Variants in ITGB6 observed in about 807,000 individuals in gnomAD.
ITGB6 encodes integrin beta-6.
ITGB6 carries 80 observed loss-of-function variants against 84.5 expected under a neutral mutation model. The observed-to-expected ratio is 0.95, with a 90% CI of 0.79 to 1.14. The LOEUF (loss-of-function observed/expected upper bound fraction) is 1.14, where lower values mean the gene tolerates loss of function less well. Among genes scored for constraint, ITGB6 ranks in the 50% most tolerant of loss-of-function variants. The pLI is 0.00. For missense variants in ITGB6, 1,006 were observed against 968.0 expected, an observed-to-expected ratio of 1.04 and a Z score of -0.52; for synonymous variants, 383 against 354.9, an observed-to-expected ratio of 1.08 and a Z score of -0.89.
At chr2:160,111,882 T>C (rs548189296) in intron 13 of ITGB6, among the ~76,000 whole-genome samples, 198 bp downstream of exon 13, 1 of 152,182 alleles carries the variant, frequency 6.6e-6, no homozygotes, top group East Asian at 1.9e-4. Context: ...GCCCGACCCT[T>C]ATCTGGTCTT....
chr2:160,162,048 A>T (rs939629205), intron 7 of ITGB6, among the ~76,000 whole-genome samples: 2 of 152,230 alleles, frequency 1.3e-5, no homozygotes, highest in Non-Finnish European at 2.9e-5. Flanking sequence ...CTATAGCTAT[A>T]CGTATCTCCA....
chr2:160,143,742 T>C (rs1684087870), intron 7 of ITGB6, among the ~76,000 whole-genome samples: 4 of 152,194 alleles, frequency 2.6e-5, no homozygotes, highest in Admixed American at 2.6e-4. Flanking sequence ...CACAAAACTA[T>C]ATTAGAATGG....
rs1340840158 is a variant in ITGB6 at position 160,138,079 on chromosome 2, T to C, written c.1228A>G (p.Lys410Glu). The change falls in exon 9 of 15, where the codon AAA (lysine) becomes GAA (glutamate). Residue 410 changes from lysine (K) to glutamate (E), a missense_variant. Transcript: ENST00000283249. The stretch of plus-strand genomic sequence containing the variant: ...CAGCTACTTACTGTGTCTCCCACTT[T>C]CATGTGAGAGCATTTCTTTTGGTGT... ...FQHQKKCSHM[K>E]VGDTASFSVT... 6.2e-7 allele frequency: 1 copy of C among 1,612,772 alleles called. No homozygotes were observed. Among genetic ancestry groups the C allele is most frequent in the Non-Finnish European group, 8.5e-7 (1 of 1,179,596 alleles).
intron 7 of ITGB6, among the ~76,000 whole-genome samples, chr2:160,163,504 C>T (rs1045457656): frequency 4.6e-5 from 7 of 152,050 alleles, no homozygotes; most frequent in African/African-American, 1.4e-4. Context: ...TGGTGGCACA[C>T]GCCTGTAATC....
chr2:160,123,650 T>TA (rs1390762220), intron 12 of ITGB6, 141 bp downstream of exon 12: 86 of 620,026 alleles, frequency 1.4e-4, no homozygotes, highest in Admixed American at 8.7e-5. Flanking sequence ...CATTTACTCT[T>TA]AAAAAATGAA....
At chr2:160,137,993 G>A (rs1423622283) in intron 9 of ITGB6, 72 bp downstream of exon 9, 4 of 1,535,454 alleles carry the variant, frequency 2.6e-6, no homozygotes, top group South Asian at 1.3e-5. Flanking sequence ...AAGAAATCCA[G>A]CTTCAGTGAG....
intron 7 of ITGB6, among the ~76,000 whole-genome samples, chr2:160,147,927 A>G (rs1684262342): frequency 6.6e-6 from 1 of 152,250 alleles, no homozygotes; most frequent in African/African-American, 2.4e-5. Context: ...CTTTTTAGAT[A>G]TAACACCAAA....
intron 12 of ITGB6, among the ~76,000 whole-genome samples, chr2:160,118,839 A>G (rs1172767545): frequency 2.6e-5 from 4 of 152,194 alleles, no homozygotes; most frequent in Non-Finnish European, 5.9e-5. Flanking sequence ...AAATCAATGT[A>G]CAAAAATCAC....
intron 13 of ITGB6, among the ~76,000 whole-genome samples, chr2:160,110,934 G>C (rs1449230589): frequency 6.6e-6 from 1 of 152,172 alleles, no homozygotes; most frequent in Non-Finnish European, 1.5e-5. Context: ...CTCTTGTTAA[G>C]CCTCCGGGAG....
intron 7 of ITGB6, among the ~76,000 whole-genome samples, chr2:160,143,409 T>C (rs556554457): frequency 1.3e-5 from 2 of 152,354 alleles, no homozygotes; most frequent in East Asian, 3.9e-4. Flanking sequence ...GCTTCTTATA[T>C]GTGTTTTTAA....
chr2:160,126,296 G>C, intron 11 of ITGB6, 83 bp downstream of exon 11: 6 of 1,266,348 alleles, frequency 4.7e-6, no homozygotes, highest in Non-Finnish European at 6.8e-6. Context: ...TACAATCTGA[G>C]GTCTGAGTTT....
At chr2:160,118,977 C>T (rs1682904602) in intron 12 of ITGB6, among the ~76,000 whole-genome samples, 1 of 152,046 alleles carries the variant, frequency 6.6e-6, no homozygotes, top group Non-Finnish European at 1.5e-5. Context: ...AGGATCTCTT[C>T]AAGGAGAACT....
intron 10 of ITGB6, 46 bp from the exon 11 acceptor site, chr2:160,126,647 G>A (rs56128773): frequency 0.013 from 20,759 of 1,558,342 alleles, 176 homozygotes; most frequent in Non-Finnish European, 0.016. Context: ...CAAAACACTT[G>A]CAGATTTGAG....
chr2:160,162,397 C>A (rs905835074), intron 7 of ITGB6, among the ~76,000 whole-genome samples: 2 of 152,026 alleles, frequency 1.3e-5, no homozygotes, highest in East Asian at 3.9e-4. Context: ...TACACACACA[C>A]ATATTTTTAA....
chr2:160,147,743 C>A (rs1338086068), intron 7 of ITGB6, among the ~76,000 whole-genome samples: 2 of 152,138 alleles, frequency 1.3e-5, no homozygotes, highest in Admixed American at 1.3e-4. Context: ...GTCTTTTCAA[C>A]AAACGGTGCT....
rs181988453 is a variant in ITGB6 at position 160,103,752 on chromosome 2, G to A, written c.2269-1918C>T. On this transcript the variant is annotated intron_variant, in intron 14 of 14. Coordinates refer to ENST00000283249, the MANE Select transcript of ITGB6 (RefSeq NM_000888.5). ...AAGAGGTTCAGGCCAGCAATGACAGGGTAAGCCTGTCCTGGAGGAATTTCC... is the reference window on the plus strand; with the variant it reads ...AAGAGGTTCAGGCCAGCAATGACAGAGTAAGCCTGTCCTGGAGGAATTTCC... Among the ~76,000 whole-genome samples the A allele has an allele frequency of 3.0e-3, 462 of 152,212 alleles. 3 individuals are homozygous for A. The highest frequency in any genetic ancestry group is 0.01 in the African/African-American group (431 of 41,538).
Position 160,125,839 on chromosome 2 carries a change from T to C in ITGB6, c.1883+540A>G, listed in dbSNP as rs563705306. On this transcript the variant is annotated intron_variant, in intron 11 of 14. Coordinates refer to ENST00000283249, the MANE Select transcript of ITGB6 (RefSeq NM_000888.5). ...CACAATACACAATAGCTGTGTATAA[T>C]GGCAACCAAAGAAAGGCGCCAAAGA... Among the ~76,000 whole-genome samples the C allele has an allele frequency of 2.6e-5, 4 of 152,286 alleles. No homozygotes were observed. In the East Asian group the frequency reaches 5.8e-4, roughly 22 times the overall value.
At chr2:160,147,880 G>A (rs1271250965) in intron 7 of ITGB6, among the ~76,000 whole-genome samples, 1 of 152,058 alleles carries the variant, frequency 6.6e-6, no homozygotes, top group African/African-American at 2.4e-5. Flanking sequence ...AAAAGATAAT[G>A]GTAGAAAAAT....
At chr2:160,160,745 T>C (rs563648048) in intron 7 of ITGB6, among the ~76,000 whole-genome samples, 6 of 152,330 alleles carry the variant, frequency 3.9e-5, no homozygotes, top group African/African-American at 1.4e-4. Flanking sequence ...GACTCCTGCA[T>C]AGTGATACAA....
Sources: allele counts gnomAD v4.1 joint callset (sites outside exome capture counted in the v4.1 genomes callset), GRCh38; gene constraint gnomAD v4.1.1; transcripts MANE v1.5; gene names NCBI Gene and HGNC (gene_info 2026-07-23, HGNC 2026-07-21).